FAM83B: variants seen among roughly 807,000 people sequenced by gnomAD.
The protein encoded by FAM83B is scaffolding CK1 anchoring protein B, also known as protein FAM83B.
FAM83B carries 26 observed loss-of-function variants against 38.8 expected under a neutral mutation model. The ratio of observed to expected loss-of-function variants is 0.67; its 90% CI spans 0.49 to 0.93. The LOEUF (loss-of-function observed/expected upper bound fraction) is 0.93. FAM83B is among the 40% of genes least tolerant of loss of function. The pLI is 0.00. For missense variants in FAM83B, 1,237 were observed against 1,197.3 expected (o/e 1.03, Z -0.49); for synonymous variants, 419 against 423.1 (o/e 0.99, Z 0.12).
intron 2 of FAM83B, among the ~76,000 whole-genome samples, chr6:54,914,382 T>G (rs1188754323): frequency 6.6e-6 from 1 of 152,166 alleles, no homozygotes; most frequent in African/African-American, 2.4e-5. Flanking sequence ...GCACTTACAT[T>G]CTGTCTCACC....
intron 1 of FAM83B, among the ~76,000 whole-genome samples, chr6:54,855,557 C>T (rs1323683305): frequency 6.6e-6 from 1 of 152,226 alleles, no homozygotes; most frequent in African/African-American, 2.4e-5. Context: ...CTGTTATTAA[C>T]ATAAGGTCTT....
intron 2 of FAM83B, among the ~76,000 whole-genome samples, chr6:54,924,961 A>G (rs933391589): frequency 6.6e-6 from 1 of 152,108 alleles, no homozygotes; most frequent in African/African-American, 2.4e-5. Flanking sequence ...TTCAACTCAA[A>G]GCCCTTTAAT....
Position 54,940,420 on chromosome 6 carries a change from C to A in FAM83B, c.1449C>A (p.Thr483=). The A allele has an allele frequency of 6.2e-7, 1 of 1,613,934 alleles. No individual in the cohort carries two copies. The highest frequency in any genetic ancestry group is 8.5e-7 in the Non-Finnish European group (1 of 1,179,984). The change falls in exon 5 of 5, where the codon ACC becomes ACA. Residue 483 remains threonine, a synonymous_variant. Transcript: ENST00000306858. ...HIRFLQQRMP[T]LEHTTKSFLR... ...GCTTTTTGCAACAACGAATGCCAAC[C>A]CTTGAACATACCACAAAGTCATTCC...
rs978441210 is a variant in FAM83B, at chr6:54,942,907, T to C, written c.*900T>C. 1.3e-5 allele frequency among the ~76,000 whole-genome samples: 2 copies of C among 151,822 alleles called. No homozygotes were observed. Among genetic ancestry groups the C allele is most frequent in the East Asian group, 1.9e-4 (1 of 5,182 alleles). On this transcript the variant is annotated 3_prime_UTR_variant, in exon 5 of 5. Transcript: ENST00000306858. ...CTTGCTTGCGAAAATTCTTGCTCTT[T>C]TTTTTTTTCTTTTGAGATGGAGTCT... is the stretch of plus-strand genomic sequence containing the variant.
intron 2 of FAM83B, among the ~76,000 whole-genome samples, chr6:54,881,760 T>G: frequency 6.6e-6 from 1 of 152,178 alleles, no homozygotes; most frequent in African/African-American, 2.4e-5. Flanking sequence ...TATTCTTTTT[T>G]ATTTATTTAT....
rs1484100609 is a variant in FAM83B, at chr6:54,942,185, A to T, written c.*178A>T. Reference sequence around the variant, plus strand: ...GTGATAAAGTTAGGGTCTGCTGTAGATAGAATTTCTCTGTAAACACATTAT... The same window carrying T: ...GTGATAAAGTTAGGGTCTGCTGTAGTTAGAATTTCTCTGTAAACACATTAT... On this transcript the variant is annotated 3_prime_UTR_variant, in exon 5 of 5. Transcript: ENST00000306858. Among the ~76,000 whole-genome samples, 5 of 152,210 alleles carry T rather than the reference A, an allele frequency of 3.3e-5. No homozygotes were observed. Among genetic ancestry groups the T allele is most frequent in the African/African-American group, 1.2e-4 (5 of 41,452 alleles).
At chr6:54,901,122 GACT>G (rs1168032136) in intron 2 of FAM83B, among the ~76,000 whole-genome samples, 1 of 152,110 alleles carries the variant, frequency 6.6e-6, no homozygotes, top group African/African-American at 2.4e-5. Context: ...TTCTTGAACA[GACT>G]AAAACAAGAA....
chr6:54,927,301 T>G (rs1252734358), intron 3 of FAM83B, among the ~76,000 whole-genome samples: 2 of 152,104 alleles, frequency 1.3e-5, no homozygotes, highest in Non-Finnish European at 2.9e-5. Flanking sequence ...TCTGTGTAAA[T>G]GTAAAGTGAA....
At position 54,939,819 on chromosome 6, in the gene FAM83B, C is replaced by G; in HGVS notation, c.848C>G (p.Pro283Arg). The G allele has an allele frequency of 6.2e-7, 1 of 1,613,964 alleles. No homozygotes were observed. The change falls in exon 5 of 5, where the codon CCT (proline) becomes CGT (arginine). Residue 283 changes from proline to arginine, a missense_variant. Transcript: ENST00000306858. Reference protein sequence around the residue: ...FRTLYARSCVPSSFAQEESAR... With the variant: ...FRTLYARSCVRSSFAQEESAR... ...ACTCTCTATGCCAGATCCTGTGTCC[C>G]TAGTTCATTTGCTCAGGAAGAATCA...
In FAM83B at chr6:54,927,557, G is replaced by A. The variant is rs770948137; in HGVS notation, c.659G>A (p.Gly220Glu). The stretch of plus-strand genomic sequence containing the variant: ...GGCCAAGATTATCTTTCAAAAACAG[G>A]GGCAAAATTCCATGGAAAAATGGAA... Reference protein sequence around the residue: ...VKGQDYLSKTGAKFHGKMEQK... With the variant: ...VKGQDYLSKTEAKFHGKMEQK... The change falls in exon 4 of 5, where the codon GGG becomes GAG. Residue 220 changes from glycine (G) to glutamate (E), a missense_variant. By Grantham distance (98) the Gly-to-Glu change is moderately conservative. Coordinates refer to ENST00000306858, the MANE Select transcript of FAM83B (RefSeq NM_001010872.3). 1 of 1,608,106 alleles carries A rather than the reference G, an allele frequency of 6.2e-7. No homozygotes were observed. The highest frequency in any genetic ancestry group is 8.5e-7 in the Non-Finnish European group (1 of 1,176,506).
chr6:54,904,202 A>G (rs1772726246), intron 2 of FAM83B, among the ~76,000 whole-genome samples: 1 of 152,188 alleles, frequency 6.6e-6, no homozygotes, highest in Admixed American at 6.5e-5. Flanking sequence ...AATGCTTTAC[A>G]AAGTAGTTGG....
chr6:54,877,552 G>A (rs973037783), intron 2 of FAM83B, among the ~76,000 whole-genome samples: 1 of 152,064 alleles, frequency 6.6e-6, no homozygotes, highest in Admixed American at 6.5e-5. Flanking sequence ...TAAAAAGTTG[G>A]GCGACTTTTA....
At chr6:54,922,177 A>G (rs539655109) in intron 2 of FAM83B, among the ~76,000 whole-genome samples, 5 of 152,164 alleles carry the variant, frequency 3.3e-5, no homozygotes, top group South Asian at 2.1e-4. Context: ...TTTTGCAAAC[A>G]AAATCCTTTA....
chr6:54,846,592 T>C (rs1197187296), upstream of FAM83B, among the ~76,000 whole-genome samples: 1 of 152,132 alleles, frequency 6.6e-6, no homozygotes, highest in African/African-American at 2.4e-5. Flanking sequence ...GGGTTTGGCG[T>C]GCCACCACTT....
intron 4 of FAM83B, among the ~76,000 whole-genome samples, chr6:54,936,715 C>A (rs1270458889): frequency 6.6e-6 from 1 of 150,964 alleles, no homozygotes; most frequent in Admixed American, 6.6e-5. Flanking sequence ...AATTGTCTTC[C>A]CACATCTTTT....
At chr6:54,852,938 A>AT (rs33946382) in intron 1 of FAM83B, among the ~76,000 whole-genome samples, 95,265 of 151,426 alleles carry the variant, frequency 0.63, 30,750 homozygotes, top group African/African-American at 0.73. Context: ...TTTTGTTGCA[A>AT]TTTTTTTTTC....
Position 54,943,368 on chromosome 6 carries a change from T to G in FAM83B, c.*1361T>G, listed in dbSNP as rs750661953. 9.9e-5 allele frequency: 15 copies of G among 152,184 alleles called. No individual in the cohort carries two copies. The highest frequency in any genetic ancestry group is 1.8e-4 in the Non-Finnish European group (12 of 68,030). 9.4% of individuals were successfully genotyped at this position (152,184 alleles called of 1,614,324 possible). A position where few individuals can be genotyped will look rare whatever the true frequency, so the allele number is the denominator to read the frequency against. On this transcript the variant is annotated 3_prime_UTR_variant, in exon 5 of 5. Transcript: ENST00000306858. ...TAAGCTCCATATCTGTTCCAGAGAC[T>G]TTAACTTGACTTTGCTTCATTCACA...
chr6:54,849,561 G>A (rs1369081070), intron 1 of FAM83B, among the ~76,000 whole-genome samples: 2 of 151,942 alleles, frequency 1.3e-5, no homozygotes, highest in African/African-American at 2.4e-5. Context: ...GGGCTGTGAT[G>A]CTGTAAGGAA....
chr6:54,868,751 A>G (rs1049816237), intron 1 of FAM83B, among the ~76,000 whole-genome samples: 3 of 152,166 alleles, frequency 2.0e-5, no homozygotes, highest in African/African-American at 7.2e-5. Flanking sequence ...GGATCAAATT[A>G]TGACTCAAGC....
Sources: gnomAD v4.1 joint callset for allele counts (sites outside exome capture counted in the v4.1 genomes callset) on GRCh38, gnomAD v4.1.1 for gene constraint, MANE v1.5 for transcripts, NCBI Gene and HGNC (gene_info 2026-07-23, HGNC 2026-07-21) for gene names.